The following SEZ6L variants were observed in gnomAD, a reference collection of about 807,000 sequenced individuals.
The protein encoded by SEZ6L is seizure 6-like protein.
In SEZ6L, 37 loss-of-function variants were observed where a neutral mutation model predicts 106.2. That is an observed-to-expected ratio of 0.35 (90% CI 0.27 to 0.46). The LOEUF (loss-of-function observed/expected upper bound fraction) is 0.46. Among genes scored for constraint, SEZ6L ranks in the 20% least tolerant of loss-of-function variants. The probability of loss-of-function intolerance (pLI) is 1.00; values close to 1 mark genes in which losing one functional copy is unlikely to be tolerated. For missense variants in SEZ6L, 1,172 were observed against 1,332.8 expected (o/e 0.88, Z 1.88); for synonymous variants, 541 against 570.4 (o/e 0.95, Z 0.73).
intron 1 of SEZ6L, among the ~76,000 whole-genome samples, chr22:26,260,622 G>T (rs2145816641): frequency 1.3e-5 from 2 of 152,040 alleles, no homozygotes. Context: ...TTCTTTATCT[G>T]CTCATTGATT....
At chr22:26,238,797 A>G (rs543327761) in intron 1 of SEZ6L, among the ~76,000 whole-genome samples, 13 of 152,328 alleles carry the variant, frequency 8.5e-5, no homozygotes, top group African/African-American at 3.1e-4. Flanking sequence ...TTAGGAAGGA[A>G]CCATGATTCA....
intron 9 of SEZ6L, among the ~76,000 whole-genome samples, chr22:26,317,995 G>A (rs943588055): frequency 1.3e-5 from 2 of 152,096 alleles, no homozygotes; most frequent in African/African-American, 4.8e-5. Flanking sequence ...ATATGGAGGG[G>A]AGGGGTCTGC....
intron 1 of SEZ6L, among the ~76,000 whole-genome samples, chr22:26,247,397 A>G (rs2079396106): frequency 6.6e-6 from 1 of 152,190 alleles, no homozygotes; most frequent in African/African-American, 2.4e-5. Context: ...AGGTCTTTGC[A>G]GATGTAATTC....
At chr22:26,207,238 T>C (rs554896806) in intron 1 of SEZ6L, among the ~76,000 whole-genome samples, 1 of 152,336 alleles carries the variant, frequency 6.6e-6, no homozygotes, top group East Asian at 1.9e-4. Context: ...ATTCCATTCA[T>C]CTTGCTTTGA....
chr22:26,290,127 G>A (rs923732375), intron 1 of SEZ6L, among the ~76,000 whole-genome samples: 1 of 152,214 alleles, frequency 6.6e-6, no homozygotes, highest in Non-Finnish European at 1.5e-5. Flanking sequence ...ACTGAGGCTT[G>A]GAGAGTGAAG....
intron 1 of SEZ6L, among the ~76,000 whole-genome samples, chr22:26,287,219 G>T (rs780448972): frequency 2.6e-5 from 4 of 152,122 alleles, no homozygotes; most frequent in Non-Finnish European, 5.9e-5. Context: ...TCTGTCCTTT[G>T]GGGGAAGAGC....
Position 26,209,466 on chromosome 22 carries a change from TATGGATGGATGG to T in SEZ6L, c.94+39728_94+39739del, listed in dbSNP as rs71192906. ...AAGGAGAGGGAAGGAAGGAAGGATATATGGATGGATGGATGGATGGATGGATGGATGGATGGC... is the reference window on the plus strand; with the variant it reads ...AAGGAGAGGGAAGGAAGGAAGGATATATGGATGGATGGATGGATGGATGGC... On this transcript the variant is annotated intron_variant, in intron 1 of 16. Transcript: ENST00000248933. 2.4e-3 allele frequency among the ~76,000 whole-genome samples: 354 copies of T among 148,528 alleles called. 2 individuals are homozygous for T. The highest frequency in any genetic ancestry group is 7.5e-3 in the African/African-American group (301 of 40,088).
intron 12 of SEZ6L, among the ~76,000 whole-genome samples, chr22:26,354,055 C>T (rs1440056876): frequency 2.0e-5 from 3 of 151,894 alleles, no homozygotes; most frequent in Non-Finnish European, 2.9e-5. Context: ...GACATCCTAA[C>T]CCATGGTATC....
chr22:26,291,095 A>G (rs1379100672), intron 1 of SEZ6L, among the ~76,000 whole-genome samples: 1 of 152,248 alleles, frequency 6.6e-6, no homozygotes, highest in Admixed American at 6.5e-5. Flanking sequence ...CATTACATAT[A>G]TACCCAAAGG....
At chr22:26,281,499 C>G (rs1015942609) in intron 1 of SEZ6L, among the ~76,000 whole-genome samples, 1 of 151,744 alleles carries the variant, frequency 6.6e-6, no homozygotes, top group African/African-American at 2.4e-5. Flanking sequence ...CTCAACCTCC[C>G]GAGTAGCTGG....
At chr22:26,170,986 C>T (rs1938561329) in intron 1 of SEZ6L, among the ~76,000 whole-genome samples, 1 of 152,204 alleles carries the variant, frequency 6.6e-6, no homozygotes, top group Non-Finnish European at 1.5e-5. Flanking sequence ...GCACCAAAGG[C>T]CCTGGACAGC....
intron 1 of SEZ6L, among the ~76,000 whole-genome samples, chr22:26,290,249 G>GAAAAGAA (rs2081065789): frequency 6.6e-6 from 1 of 152,102 alleles, no homozygotes; most frequent in African/African-American, 2.4e-5. Flanking sequence ...AATGACTATT[G>GAAAAGAA]GGCCGGGCGC....
chr22:26,297,782 A>C (rs2081343239), intron 4 of SEZ6L, among the ~76,000 whole-genome samples: 2 of 131,858 alleles, frequency 1.5e-5, no homozygotes, highest in African/African-American at 2.9e-5. Context: ...TTATTTCTTC[A>C]TTTCCTCCTC....
At position 26,380,883 on chromosome 22, in the gene SEZ6L, T is replaced by C. The variant is rs2084390959; in HGVS notation, c.*588T>C. Reference sequence around the variant, plus strand: ...TCTTCTGAAGGTAGCAAAGGTGTTATATAAACATTGTCTTTTACCACTCTG... The same window carrying C: ...TCTTCTGAAGGTAGCAAAGGTGTTACATAAACATTGTCTTTTACCACTCTG... On this transcript the variant is annotated 3_prime_UTR_variant, in exon 17 of 17. Transcript: ENST00000248933. The C allele has an allele frequency of 6.6e-6, 1 of 152,320 alleles. No individual in the cohort carries two copies. The highest frequency in any genetic ancestry group is 2.4e-5 in the African/African-American group (1 of 41,462). The allele number at this position is 152,320 out of a possible 1,614,324, so 9.4% of individuals were successfully genotyped here.
At chr22:26,228,672 G>T (rs78825100) in intron 1 of SEZ6L, among the ~76,000 whole-genome samples, 10 of 152,006 alleles carry the variant, frequency 6.6e-5, no homozygotes, top group Admixed American at 3.9e-4. Context: ...ACTTACTGGG[G>T]GCTTGCTTAG....
At chr22:26,340,255 T>A (rs1004020200) in intron 9 of SEZ6L, among the ~76,000 whole-genome samples, 181 bp from the exon 10 acceptor site, 18 of 152,030 alleles carry the variant, frequency 1.2e-4, no homozygotes, top group African/African-American at 4.3e-4. Flanking sequence ...GACTTACAAA[T>A]CTTTGTGTCA....
intron 1 of SEZ6L, among the ~76,000 whole-genome samples, chr22:26,240,159 C>A (rs1355281122): frequency 6.6e-6 from 1 of 151,888 alleles, no homozygotes; most frequent in Non-Finnish European, 1.5e-5. Context: ...ATAGAGGATG[C>A]ACAAGAAATA....
chr22:26,250,592 G>A (rs1278720291), intron 1 of SEZ6L, among the ~76,000 whole-genome samples: 1 of 152,156 alleles, frequency 6.6e-6, no homozygotes, highest in Non-Finnish European at 1.5e-5. Flanking sequence ...AAGTCAGGTA[G>A]TATGATGCCT....
intron 13 of SEZ6L, among the ~76,000 whole-genome samples, 175 bp downstream of exon 13, chr22:26,365,741 G>A (rs2083787915): frequency 6.6e-6 from 1 of 151,960 alleles, no homozygotes; most frequent in Admixed American, 6.6e-5. Flanking sequence ...AGGCATGGCG[G>A]CACACACCTG....
Sources: allele counts gnomAD v4.1 joint callset (sites outside exome capture counted in the v4.1 genomes callset), GRCh38; gene constraint gnomAD v4.1.1; transcripts MANE v1.5; gene names NCBI Gene and HGNC (gene_info 2026-07-23, HGNC 2026-07-21).